The following PHF24 variants were observed in gnomAD, a reference collection of about 807,000 sequenced individuals.
The protein encoded by PHF24 is PHD finger protein 24, also known as Galpha inhibitory interacting protein.
A neutral mutation model predicts 42.6 loss-of-function variants in PHF24; 25 were observed. The observed-to-expected ratio is 0.59, with a 90% CI of 0.43 to 0.82. The LOEUF (loss-of-function observed/expected upper bound fraction) is 0.82. PHF24 is among the 40% of genes least tolerant of loss of function. The pLI, the probability that PHF24 is intolerant of heterozygous loss-of-function variation, is 0.00. For missense variants in PHF24, 470 were observed against 538.1 expected (o/e 0.87, Z 1.25); for synonymous variants, 185 against 204.8 (o/e 0.90, Z 0.83).
At chr9:34,726,818 A>G in the PHF24 span, 6 of 1,551,696 alleles carry the variant, frequency 3.9e-6, no homozygotes, top group Admixed American at 2.0e-5. Context: ...CGTAGACAGC[A>G]TCTCTAGGCA....
the PHF24 span, chr9:34,680,837 G>A: frequency 6.6e-6 from 1 of 152,130 alleles, no homozygotes; most frequent in East Asian, 1.9e-4. Flanking sequence ...TGTGAAATGT[G>A]TCTATTTTTC....
chr9:34,888,241 A>G, the PHF24 span, among the ~76,000 whole-genome samples: 1 of 152,180 alleles, frequency 6.6e-6, no homozygotes, highest in Middle Eastern at 3.2e-3. Context: ...ATGTACTTTC[A>G]TCTTATTGCT....
At chr9:34,851,598 G>A in the PHF24 span, among the ~76,000 whole-genome samples, 19 of 152,240 alleles carry the variant, frequency 1.2e-4, no homozygotes, top group Admixed American at 2.6e-4. Flanking sequence ...CACACAGTGC[G>A]CTGCACCCAC....
At chr9:34,880,977 A>C in the PHF24 span, among the ~76,000 whole-genome samples, 24 of 152,328 alleles carry the variant, frequency 1.6e-4, no homozygotes, top group Admixed American at 6.5e-4. Flanking sequence ...CTCCTCAGCA[A>C]ATGTAAAAAA....
chr9:34,902,725 C>T, the PHF24 span, among the ~76,000 whole-genome samples: 5 of 152,096 alleles, frequency 3.3e-5, no homozygotes, highest in African/African-American at 1.2e-4. Flanking sequence ...TAGCTGTATC[C>T]TTTTCACCAT....
At chr9:34,919,953 TTGG>T in the PHF24 span, among the ~76,000 whole-genome samples, 3 of 152,196 alleles carry the variant, frequency 2.0e-5, no homozygotes, top group Non-Finnish European at 4.4e-5. Context: ...CATTCATCTG[TTGG>T]TGGACACTTA....
chr9:34,700,586 T>G, the PHF24 span, among the ~76,000 whole-genome samples: 1 of 152,134 alleles, frequency 6.6e-6, no homozygotes, highest in African/African-American at 2.4e-5. Flanking sequence ...AGACTTAAGT[T>G]GAAGCTGCAT....
chr9:34,749,052 A>G, the PHF24 span, among the ~76,000 whole-genome samples: 1 of 152,092 alleles, frequency 6.6e-6, no homozygotes, highest in Non-Finnish European at 1.5e-5. Context: ...CAAGTTGAAA[A>G]ACACAATTGA....
the PHF24 span, among the ~76,000 whole-genome samples, chr9:34,937,053 C>T: frequency 7.4e-5 from 11 of 149,546 alleles, no homozygotes; most frequent in East Asian, 1.8e-3. Context: ...CCGGGCCAGC[C>T]GCCCCGTCCG....
At chr9:34,834,467 T>A in the PHF24 span, 1 of 1,551,920 alleles carries the variant, frequency 6.4e-7, no homozygotes, top group East Asian at 2.4e-5. Context: ...GATGGACTGC[T>A]GGATCTTCTG....
the PHF24 span, among the ~76,000 whole-genome samples, chr9:34,705,386 A>G: frequency 6.6e-6 from 1 of 152,212 alleles, no homozygotes; most frequent in Non-Finnish European, 1.5e-5. Context: ...CCCAGGCTCA[A>G]GTGATCCTCC....
At chr9:34,728,509 G>A in the PHF24 span, 2 of 1,163,452 alleles carry the variant, frequency 1.7e-6, no homozygotes, top group Non-Finnish European at 1.2e-6. Context: ...AGTCTTCAGT[G>A]GCAGAGCACC....
chr9:34,832,811 T>C, the PHF24 span: 2 of 1,551,556 alleles, frequency 1.3e-6, no homozygotes, highest in Non-Finnish European at 1.7e-6. Context: ...CCTGTGAAGC[T>C]GGGGCACCAC....
At chr9:34,862,546 A>G in the PHF24 span, among the ~76,000 whole-genome samples, 1 of 152,098 alleles carries the variant, frequency 6.6e-6, no homozygotes, top group Non-Finnish European at 1.5e-5. Context: ...AGCCTGGCCC[A>G]GAAAGGAACC....
chr9:34,737,957 CTTTT>C, the PHF24 span, among the ~76,000 whole-genome samples: 12 of 144,486 alleles, frequency 8.3e-5, no homozygotes, highest in Non-Finnish European at 6.1e-5. Flanking sequence ...TTTTGTCTAG[CTTTT>C]TTTTTTTTTC....
the PHF24 span, among the ~76,000 whole-genome samples, chr9:34,807,988 G>T: frequency 6.6e-6 from 1 of 152,062 alleles, no homozygotes; most frequent in Non-Finnish European, 1.5e-5. Context: ...CATGGATTTT[G>T]CAGTAGATAT....
At chr9:34,911,469 G>A in the PHF24 span, among the ~76,000 whole-genome samples, 2 of 151,886 alleles carry the variant, frequency 1.3e-5, no homozygotes, top group East Asian at 3.9e-4. Flanking sequence ...TGGCCGGCCG[G>A]TCTTGAACTC....
At chr9:34,880,852 C>T in the PHF24 span, among the ~76,000 whole-genome samples, 1 of 152,126 alleles carries the variant, frequency 6.6e-6, no homozygotes, top group Admixed American at 6.6e-5. Context: ...CTGCACCAAG[C>T]AGACCTAATA....
At chr9:34,802,041 A>G in the PHF24 span, among the ~76,000 whole-genome samples, 4 of 152,196 alleles carry the variant, frequency 2.6e-5, no homozygotes, top group Admixed American at 6.5e-5. Flanking sequence ...AAACCTGCAC[A>G]TTCTGCACAT....
Sources: gnomAD v4.1 joint callset for allele counts (sites outside exome capture counted in the v4.1 genomes callset) on GRCh38, gnomAD v4.1.1 for gene constraint, MANE v1.5 for transcripts, NCBI Gene and HGNC (gene_info 2026-07-23, HGNC 2026-07-21) for gene names.